The following TEX15 variants were observed in gnomAD, a reference collection of about 807,000 sequenced individuals.
The protein encoded by TEX15 is testis expressed 15, meiosis and synapsis associated.
In TEX15, 171 loss-of-function variants were observed where a neutral mutation model predicts 237.3. That is an observed-to-expected ratio of 0.72 (90% CI 0.64 to 0.82). The LOEUF (loss-of-function observed/expected upper bound fraction) is 0.82, where lower values mean the gene tolerates loss of function less well. Ranked by LOEUF, TEX15 falls within the 40% of genes least tolerant of loss-of-function variation. The pLI is 0.00. For missense variants in TEX15, 3,750 were observed against 3,646.5 expected, an observed-to-expected ratio of 1.03 and a Z score of -0.73; for synonymous variants, 1,338 against 1,269.8, an observed-to-expected ratio of 1.05 and a Z score of -1.14.
intron 3 of TEX15, 57 bp downstream of exon 3, chr8:30,887,110 G>A (rs1808666793): frequency 7.1e-7 from 1 of 1,401,258 alleles, no homozygotes; most frequent in Non-Finnish European, 9.5e-7. Flanking sequence ...CATAAACTAA[G>A]AATCAGAGAA....
At chr8:30,861,253 A>T (rs1400724026) in intron 5 of TEX15, among the ~76,000 whole-genome samples, 1 of 152,216 alleles carries the variant, frequency 6.6e-6, no homozygotes, top group Non-Finnish European at 1.5e-5. Flanking sequence ...AATACTGTAG[A>T]AAGAAACATA....
At chr8:30,889,927 T>TTATA (rs1554502265) in intron 2 of TEX15, among the ~76,000 whole-genome samples, 14 of 109,898 alleles carry the variant, frequency 1.3e-4, no homozygotes, top group Admixed American at 1.8e-4. Context: ...TATGTATTAG[T>TTATA]TATATACATA....
At chr8:30,890,765 T>G (rs935167290) in intron 2 of TEX15, among the ~76,000 whole-genome samples, 2 of 152,190 alleles carry the variant, frequency 1.3e-5, no homozygotes, top group African/African-American at 2.4e-5. Context: ...ATATTTTTAT[T>G]TTTTAATATT....
intron 3 of TEX15, among the ~76,000 whole-genome samples, chr8:30,876,575 C>T (rs1808403963): frequency 6.6e-6 from 1 of 152,114 alleles, no homozygotes; most frequent in South Asian, 2.1e-4. Context: ...GCCTGATGTA[C>T]AGATTGGCAA....
At position 30,842,248 on chromosome 8, in the gene TEX15, T is replaced by A; in HGVS notation, c.7919A>T (p.Gln2640Leu). The change falls in exon 8 of 11, where the codon CAA becomes CTA. Residue 2640 changes from glutamine to leucine, a missense_variant. By Grantham distance (113) the Gln-to-Leu change is moderately radical. Transcript: ENST00000643185. ...AATCTTCCTTCTGTTATACAGCATT[T>A]GGCATAGGAAAAAGGAAATGGTTAG... is the stretch of plus-strand genomic sequence containing the variant. Reference protein sequence around the residue: ...AELTISFFLCQMLYNRRKILQ... With the variant: ...AELTISFFLCLMLYNRRKILQ... The A allele has an allele frequency of 6.2e-7, 1 of 1,613,592 alleles. No homozygotes were observed. The highest frequency in any genetic ancestry group is 8.5e-7 in the Non-Finnish European group (1 of 1,179,688).
chr8:30,860,843 G>A (rs974046791), intron 5 of TEX15, among the ~76,000 whole-genome samples: 3 of 151,632 alleles, frequency 2.0e-5, no homozygotes, highest in African/African-American at 4.8e-5. Flanking sequence ...GAGCCACCGC[G>A]CCCAGCCGAG....
At chr8:30,904,294 A>C (rs541509122) in intron 1 of TEX15, among the ~76,000 whole-genome samples, 1 of 152,192 alleles carries the variant, frequency 6.6e-6, no homozygotes, top group Non-Finnish European at 1.5e-5. Context: ...CAAAAATATA[A>C]AAACTAGCCG....
rs1807614125 is a variant in TEX15 at position 30,846,503 on chromosome 8, C to T, written c.3664G>A (p.Val1222Ile). Residue 1222 changes from valine (V) to isoleucine (I), a missense_variant, in exon 8 of 11, where the codon GTT becomes ATT. Transcript: ENST00000643185. ...ENADYPCEDK[V>I]DNIRQESGPV... The stretch of plus-strand genomic sequence containing the variant: ...CCTGATTCTTGCCTTATATTATCAA[C>T]TTTATCTTCACATGGATAATCTGCA... 6.2e-7 allele frequency: 1 copy of T among 1,613,592 alleles called. No individual in the cohort carries two copies. The highest frequency in any genetic ancestry group is 1.6e-4 in the Middle Eastern group (1 of 6,062).
At position 30,843,334 on chromosome 8, in the gene TEX15, A is replaced by G. The variant is rs1025606907; in HGVS notation, c.6833T>C (p.Leu2278Pro). The G allele has an allele frequency of 6.2e-7, 1 of 1,611,850 alleles. No homozygotes were observed. The change falls in exon 8 of 11, where the codon CTT becomes CCT. Residue 2278 changes from leucine (L) to proline (P), a missense_variant. Coordinates refer to ENST00000643185, the MANE Select transcript of TEX15 (RefSeq NM_001350162.2). ...GGATTGTGTTCTCTCTTTCCAAACA[A>G]GATTTTTTGCAGCATCAAAAAAGAT... Reference protein sequence around the residue: ...EHIFFDAAKNLVWKERTQSFS... With the variant: ...EHIFFDAAKNPVWKERTQSFS...
At position 30,889,954 on chromosome 8, in the gene TEX15, C is replaced by CATATATATATATATACATACATAT; in HGVS notation, c.-9-2644_-9-2643insATATGTATGTATATATATATATAT. ...ATATACATATATATATATATATATACATATATATATATATGTATAAGTAAA... is the reference window on the plus strand; with the variant it reads ...ATATACATATATATATATATATATACATATATATATATATACATACATATATATATATATATATGTATAAGTAAA... On this transcript the variant is annotated intron_variant, in intron 2 of 10. Transcript: ENST00000643185. 4.5e-5 allele frequency among the ~76,000 whole-genome samples: 5 copies of CATATATATATATATACATACATAT among 110,088 alleles called. No homozygotes were observed. In the South Asian group the frequency reaches 1.1e-3, roughly 25 times the overall value. 72.2% of individuals were successfully genotyped at this position (110,088 alleles called of 152,430 possible).
chr8:30,844,017 T>G lies in TEX15; in HGVS notation c.6150A>C (p.Glu2050Asp), dbSNP rs747514580. The change falls in exon 8 of 11, where the codon GAA becomes GAC. Residue 2050 changes from glutamate to aspartate, a missense_variant. Transcript: ENST00000643185. ...CSVEQILISRELLVDQNLWNN... is the reference protein window; with the variant it reads ...CSVEQILISRDLLVDQNLWNN... ...TCCACAGGTTTTGGTCTACCAACAG[T>G]TCTCTTGAAATCAGGATTTGTTCAA... 1 of 1,612,004 alleles carries G rather than the reference T, an allele frequency of 6.2e-7. No individual in the cohort carries two copies. Among genetic ancestry groups the G allele is most frequent in the South Asian group, 1.1e-5 (1 of 90,702 alleles).
At chr8:30,892,808 C>T (rs1585312558) in intron 2 of TEX15, among the ~76,000 whole-genome samples, 2 of 151,938 alleles carry the variant, frequency 1.3e-5, no homozygotes, top group Admixed American at 6.6e-5. Flanking sequence ...CCGAGGCAGG[C>T]GGATCACAAG....
Position 30,846,176 on chromosome 8 carries a change from T to G in TEX15, c.3991A>C (p.Thr1331Pro). ...AAACACTCAGATGAGTCTTGACTGG[T>G]TAGCCTCCTCTTTCTCCCATAAATT... ...HKIYGRKRRLTSQDSSECFSS... is the reference protein window; with the variant it reads ...HKIYGRKRRLPSQDSSECFSS... Residue 1331 changes from threonine to proline, a missense_variant, in exon 8 of 11, where the codon ACC (threonine) becomes CCC (proline). Thr to Pro is a conservative substitution (Grantham distance 38). Transcript: ENST00000643185. 6.2e-7 allele frequency: 1 copy of G among 1,613,302 alleles called. No individual in the cohort carries two copies. Among genetic ancestry groups the G allele is most frequent in the African/African-American group, 1.3e-5 (1 of 74,982 alleles).
In TEX15 at chr8:30,847,050, T is replaced by C; in HGVS notation, c.3117A>G (p.Gln1039=). 4 of 1,612,780 alleles carry C rather than the reference T, an allele frequency of 2.5e-6. No individual in the cohort carries two copies. Among genetic ancestry groups the C allele is most frequent in the Non-Finnish European group, 3.4e-6 (4 of 1,179,246 alleles). ...CEIDTDKNKS[Q]ESFHQSINEN... Reference sequence around the variant, plus strand: ...CATTTATTGATTGATGAAATGATTCTTGTGATTTATTTTTATCCGTATCAA... The same window carrying C: ...CATTTATTGATTGATGAAATGATTCCTGTGATTTATTTTTATCCGTATCAA... Residue 1039 remains glutamine, a synonymous_variant, in exon 8 of 11, where the codon CAA becomes CAG. Coordinates refer to ENST00000643185, the MANE Select transcript of TEX15 (RefSeq NM_001350162.2).
At position 30,910,688 on chromosome 8, in the gene TEX15, C is replaced by T. The variant is rs138021328; in HGVS notation, c.-86+2191G>A. 2.6e-3 allele frequency among the ~76,000 whole-genome samples: 374 copies of T among 144,950 alleles called. 2 individuals carry two copies. The highest frequency in any genetic ancestry group is 9.2e-3 in the African/African-American group (355 of 38,396). ...CTGGTCTTGAACTCCTGGCCTCAAGCAATCTCCCACCTTGGCCTCCCAAAG... is the reference window on the plus strand; with the variant it reads ...CTGGTCTTGAACTCCTGGCCTCAAGTAATCTCCCACCTTGGCCTCCCAAAG... On this transcript the variant is annotated intron_variant, in intron 1 of 10. Coordinates refer to ENST00000643185, the MANE Select transcript of TEX15 (RefSeq NM_001350162.2).
chr8:30,870,470 G>A (rs944803529), intron 4 of TEX15, among the ~76,000 whole-genome samples: 3 of 151,822 alleles, frequency 2.0e-5, no homozygotes, highest in Non-Finnish European at 2.9e-5. Flanking sequence ...AAGTTTAAGC[G>A]GAAACACAAG....
intron 3 of TEX15, among the ~76,000 whole-genome samples, chr8:30,881,349 T>C (rs1808515950): frequency 6.6e-6 from 1 of 152,146 alleles, no homozygotes; most frequent in African/African-American, 2.4e-5. Context: ...CATCTGGGCC[T>C]TAAACTTTCC....
At chr8:30,853,667 C>T (rs1807838247) in intron 7 of TEX15, among the ~76,000 whole-genome samples, 1 of 152,112 alleles carries the variant, frequency 6.6e-6, no homozygotes, top group Admixed American at 6.5e-5. Flanking sequence ...ATTCATGGAA[C>T]ATCCTGGAAC....
rs757715436 is a variant in TEX15 at position 30,848,602 on chromosome 8, G to A, written c.1565C>T (p.Pro522Leu). 6.2e-7 allele frequency: 1 copy of A among 1,614,052 alleles called. No individual in the cohort carries two copies. Among genetic ancestry groups the A allele is most frequent in the South Asian group, 1.1e-5 (1 of 91,074 alleles). ...CCCTGCCATGGTAACTTTATTGGGA[G>A]GTATACAGTCATAGTCCTCAGAGCC... Reference protein sequence around the residue: ...NMGSEDYDCIPPNKVTMAGQC... With the variant: ...NMGSEDYDCILPNKVTMAGQC... The change falls in exon 8 of 11, where the codon CCT (proline) becomes CTT (leucine). Residue 522 changes from proline (P) to leucine (L), a missense_variant. By Grantham distance (98) the Pro-to-Leu change is moderately conservative. Transcript: ENST00000643185.
Sources: gnomAD v4.1 joint callset for allele counts (sites outside exome capture counted in the v4.1 genomes callset) on GRCh38, gnomAD v4.1.1 for gene constraint, MANE v1.5 for transcripts, NCBI Gene and HGNC (gene_info 2026-07-23, HGNC 2026-07-21) for gene names.